Variants in RILP observed in about 807,000 individuals in gnomAD.
RILP encodes rab-interacting lysosomal protein.
A neutral mutation model predicts 40.0 loss-of-function variants in RILP; 53 were observed. The ratio of observed to expected loss-of-function variants is 1.32; its 90% CI spans 1.06 to 1.66. The LOEUF (loss-of-function observed/expected upper bound fraction) is 1.66. Among genes scored for constraint, RILP ranks in the 40% most tolerant of loss-of-function variants. The pLI is 0.00. For synonymous variants in RILP, 272 were observed against 250.6 expected (o/e 1.09, Z -0.80); for missense variants, 626 against 551.7 (o/e 1.13, Z -1.35).
At position 1,648,859 on chromosome 17, in the gene RILP, G is replaced by T. The variant is rs776516990; in HGVS notation, c.615C>A (p.His205Gln). ...RGQAGRPGHQ[H>Q]GQEPEWATAG... is the part of the protein sequence containing the mutation. ...CGGTCGCCCATTCGGGCTCCTGTCC[G>T]TGCTGGTGCCCGGGCCGCCCGGCCT... The change falls in exon 4 of 8, where the codon CAC becomes CAA. Residue 205 changes from histidine to glutamine, a missense_variant. By Grantham distance (24) the His-to-Gln change is conservative (BLOSUM62 0). Transcript: ENST00000301336. This position sits in a 1 kb window ranked among gnomAD's most constrained non-coding sequence, Gnocchi z 4.9. 6 of 1,544,268 alleles carry T rather than the reference G, an allele frequency of 3.9e-6. 1 individual carries two copies. The South Asian group carries it at 7.1e-5, about 18-fold the overall frequency.
In RILP at chr17:1,649,001, A is replaced by G; in HGVS notation, c.473T>C (p.Leu158Pro). 7.9e-7 allele frequency: 1 copy of G among 1,272,298 alleles called. No homozygotes were observed. 78.8% of individuals were successfully genotyped at this position (1,272,298 alleles called of 1,614,324 possible). A position where few individuals can be genotyped will look rare whatever the true frequency, so the allele number is the denominator to read the frequency against. ...LQRLLLVNAE[L>P]RHKLAAMQTQ... ...CTGCATGGCCGCCAGCTTGTGCCGC[A>G]GCTCAGCGTTCACCAGCAGGAGGCG... is the stretch of plus-strand genomic sequence containing the variant. Residue 158 changes from leucine (L) to proline (P), a missense_variant, in exon 4 of 8, where the codon CTG becomes CCG. Coordinates refer to ENST00000301336, the MANE Select transcript of RILP (RefSeq NM_031430.3). The surrounding 1 kb of genome is among the most constrained non-coding windows in gnomAD (Gnocchi z 4.3).
Position 1,649,384 on chromosome 17 carries a change from G to C in RILP, c.322+28C>G. 1 of 1,498,108 alleles carries C rather than the reference G, an allele frequency of 6.7e-7. No homozygotes were observed. Among genetic ancestry groups the C allele is most frequent in the Non-Finnish European group, 8.8e-7 (1 of 1,130,510 alleles). 92.8% of individuals were successfully genotyped at this position (1,498,108 alleles called of 1,614,324 possible). A position where few individuals can be genotyped will look rare whatever the true frequency, so the allele number is the denominator to read the frequency against. ...GGAGGACCCGAGCAGGTCGTCACCC[G>C]CCCTGCCCTGGCCGGGGCTGCGCTT... On this transcript the variant is annotated intron_variant, in intron 2 of 7. Transcript: ENST00000301336. This position sits in a 1 kb window ranked among gnomAD's most constrained non-coding sequence, Gnocchi z 4.3.
Position 1,646,795 on chromosome 17 carries a change from C to A in RILP, c.1028+111G>T. ...CAGGAGGGGACGGTGTGCTTAGAGC[C>A]AAGCACAGCAGGGTGACGGGCAGAG... On this transcript the variant is annotated intron_variant, in intron 7 of 7. Coordinates refer to ENST00000301336, the MANE Select transcript of RILP (RefSeq NM_031430.3). The surrounding 1 kb of genome is among the most constrained non-coding windows in gnomAD (Gnocchi z 4.3). 9.4e-7 allele frequency: 1 copy of A among 1,069,288 alleles called. No individual in the cohort carries two copies. The highest frequency in any genetic ancestry group is 1.4e-6 in the Non-Finnish European group (1 of 739,542). 66.2% of individuals were successfully genotyped at this position (1,069,288 alleles called of 1,614,324 possible). A position where few individuals can be genotyped will look rare whatever the true frequency, so the allele number is the denominator to read the frequency against.
chr17:1,649,474 TCCTGCTCCG>T lies in RILP; in HGVS notation c.251_259del (p.Ala84_Gln86del). On this transcript the variant is annotated inframe_deletion, in exon 2 of 8. Coordinates refer to ENST00000301336, the MANE Select transcript of RILP (RefSeq NM_031430.3). This position sits in a 1 kb window ranked among gnomAD's most constrained non-coding sequence, Gnocchi z 4.3. ...GTTCTCCTCCCGCAGCCGCCGCAGC[TCCTGCTCCG>T]CCGGCTGCGCCGACACCTGCAGCTG... 6.6e-7 allele frequency: 1 copy of T among 1,512,586 alleles called. No individual in the cohort carries two copies. The allele number at this position is 1,512,586 out of a possible 1,614,324, so 93.7% of individuals were successfully genotyped here. A position where few individuals can be genotyped will look rare whatever the true frequency, so the allele number is the denominator to read the frequency against.
Position 1,648,495 on chromosome 17 carries a change from C to T in RILP, c.676G>A (p.Ala226Thr), listed in dbSNP as rs764161087. 3 of 1,612,808 alleles carry T rather than the reference C, an allele frequency of 1.9e-6. No homozygotes were observed. In the South Asian group the frequency reaches 3.3e-5, roughly 18 times the overall value. Residue 226 changes from alanine (A) to threonine (T), a missense_variant and splice_region_variant, in exon 5 of 8, where the codon GCG (alanine) becomes ACG (threonine). Coordinates refer to ENST00000301336, the MANE Select transcript of RILP (RefSeq NM_031430.3). This position sits in a 1 kb window ranked among gnomAD's most constrained non-coding sequence, Gnocchi z 4.9. The part of the protein sequence containing the change: ...AGAPGNPEDP[A>T]EAAQQLGRPS... Reference sequence around the variant, plus strand: ...CGCCCGAGCTGCTGCGCGGCCTCCGCCTTTGGAAGGACAGGCACAGTCAGA... The same window carrying T: ...CGCCCGAGCTGCTGCGCGGCCTCCGTCTTTGGAAGGACAGGCACAGTCAGA...
Position 1,646,756 on chromosome 17 carries a change from C to A in RILP, c.1029-137G>T. On this transcript the variant is annotated intron_variant, in intron 7 of 7. Coordinates refer to ENST00000301336, the MANE Select transcript of RILP (RefSeq NM_031430.3). The surrounding 1 kb of genome is among the most constrained non-coding windows in gnomAD (Gnocchi z 4.3). ...GAGGGAGTGTGAAGGTGATGGGGGC[C>A]AGGGCCAGAGAAGCAGGAGGGGACG... 9.2e-7 allele frequency: 1 copy of A among 1,087,556 alleles called. No homozygotes were observed. Among genetic ancestry groups the A allele is most frequent in the South Asian group, 1.6e-5 (1 of 64,190 alleles). The allele number at this position is 1,087,556 out of a possible 1,614,324, so 67.4% of individuals were successfully genotyped here.
chr17:1,648,448 G>C lies in RILP; in HGVS notation c.723C>G (p.Cys241Trp). 2.5e-6 allele frequency: 4 copies of C among 1,614,026 alleles called. No homozygotes were observed. Among genetic ancestry groups the C allele is most frequent in the Non-Finnish European group, 3.4e-6 (4 of 1,180,022 alleles). ...GCTCAAACTCCTCCCGACTGAAGCG[G>C]CACTGCCCTGCCTCCGAGGGGCGCC... is the stretch of plus-strand genomic sequence containing the variant. ...QLGRPSEAGQCRFSREEFEQI... is the reference protein window; with the variant it reads ...QLGRPSEAGQWRFSREEFEQI... Residue 241 changes from cysteine (C) to tryptophan (W), a missense_variant, in exon 5 of 8, where the codon TGC (cysteine) becomes TGG (tryptophan). By Grantham distance (215) the Cys-to-Trp change is radical (BLOSUM62 -2). Transcript: ENST00000301336. This position sits in a 1 kb window ranked among gnomAD's most constrained non-coding sequence, Gnocchi z 4.9.
At position 1,648,279 on chromosome 17, in the gene RILP, C is replaced by G. The variant is rs1345628898; in HGVS notation, c.821+71G>C. 1.3e-6 allele frequency: 2 copies of G among 1,542,174 alleles called. No homozygotes were observed. Among genetic ancestry groups the G allele is most frequent in the Non-Finnish European group, 1.8e-6 (2 of 1,133,644 alleles). ...CCCAGCGCAGGCCTGGCACATGTCA[C>G]TGTGGACATGTCAATGACTGGAGAA... On this transcript the variant is annotated intron_variant, in intron 5 of 7. Transcript: ENST00000301336. The surrounding 1 kb of genome is among the most constrained non-coding windows in gnomAD (Gnocchi z 4.9).
At position 1,647,960 on chromosome 17, in the gene RILP, A is replaced by G. The variant is rs1424397460; in HGVS notation, c.822-3T>C. The G allele has an allele frequency of 6.8e-6, 11 of 1,613,786 alleles. No individual in the cohort carries two copies. Among genetic ancestry groups the G allele is most frequent in the Non-Finnish European group, 8.5e-6 (10 of 1,179,928 alleles). On this transcript the variant is annotated splice_polypyrimidine_tract_variant and splice_region_variant and intron_variant, in intron 5 of 7. Transcript: ENST00000301336. The stretch of plus-strand genomic sequence containing the variant: ...CCCGGTGGTCTGTGAGCAGCTCCCT[A>G]AAGAAAAGGGGCAGGGAGGGAGAAA...
chr17:1,648,572 G>T lies in RILP; in HGVS notation c.676-77C>A. The T allele has an allele frequency of 6.4e-7, 1 of 1,563,690 alleles. No homozygotes were observed. Among genetic ancestry groups the T allele is most frequent in the Non-Finnish European group, 8.6e-7 (1 of 1,159,074 alleles). On this transcript the variant is annotated intron_variant, in intron 4 of 7. Transcript: ENST00000301336. This position sits in a 1 kb window ranked among gnomAD's most constrained non-coding sequence, Gnocchi z 4.9. ...CCCCAGGGCCATCATGGGAATGCTA[G>T]AGGAAGTGACGGGCCGGGAGACTTG...
chr17:1,648,583 G>C lies in RILP; in HGVS notation c.676-88C>G. 1 of 1,534,622 alleles carries C rather than the reference G, an allele frequency of 6.5e-7. No individual in the cohort carries two copies. The highest frequency in any genetic ancestry group is 8.7e-7 in the Non-Finnish European group (1 of 1,144,298). ...TCATGGGAATGCTAGAGGAAGTGACGGGCCGGGAGACTTGGGGGACAAGGG... is the reference window on the plus strand; with the variant it reads ...TCATGGGAATGCTAGAGGAAGTGACCGGCCGGGAGACTTGGGGGACAAGGG... On this transcript the variant is annotated intron_variant, in intron 4 of 7. Transcript: ENST00000301336. The surrounding 1 kb of genome is among the most constrained non-coding windows in gnomAD (Gnocchi z 4.9).
chr17:1,647,749 C>A, intron 6 of RILP, 86 bp downstream of exon 6: 6 of 1,560,306 alleles, frequency 3.8e-6, no homozygotes, highest in Non-Finnish European at 4.4e-6. Context: ...AGACAATGGG[C>A]TCAGAGGGTG....
In RILP at chr17:1,649,695, G is replaced by C; in HGVS notation, c.110C>G (p.Thr37Ser). The C allele has an allele frequency of 6.3e-7, 1 of 1,591,922 alleles. No homozygotes were observed. The highest frequency in any genetic ancestry group is 8.5e-7 in the Non-Finnish European group (1 of 1,176,654). ...LVYHLAGALG[T>S]ELQDLARRFG... ...ACGGCGCGCCAGATCCTGCAGCTCA[G>C]TGCCCAGGGCCCCGGCTAGATGGTA... Residue 37 changes from threonine (T) to serine (S), a missense_variant, in exon 1 of 8, where the codon ACT (threonine) becomes AGT (serine). Physicochemically the swap from Thr to Ser is moderately conservative, Grantham distance 58 (BLOSUM62 1). Transcript: ENST00000301336. The surrounding 1 kb of genome is among the most constrained non-coding windows in gnomAD (Gnocchi z 4.3).
chr17:1,648,097 T>G lies in RILP; in HGVS notation c.822-140A>C, dbSNP rs1326339521. On this transcript the variant is annotated intron_variant, in intron 5 of 7. Coordinates refer to ENST00000301336, the MANE Select transcript of RILP (RefSeq NM_031430.3). This position sits in a 1 kb window ranked among gnomAD's most constrained non-coding sequence, Gnocchi z 4.9. Reference sequence around the variant, plus strand: ...CCTGAACACGGGAAGCGCTCTGCCTTGCTGACACCCTCAGACCTTAAATTA... The same window carrying G: ...CCTGAACACGGGAAGCGCTCTGCCTGGCTGACACCCTCAGACCTTAAATTA... The G allele has an allele frequency of 1.6e-6, 2 of 1,272,730 alleles. No individual in the cohort carries two copies. Among genetic ancestry groups the G allele is most frequent in the Non-Finnish European group, 2.2e-6 (2 of 922,380 alleles). The allele number at this position is 1,272,730 out of a possible 1,614,324, so 78.8% of individuals were successfully genotyped here.
At position 1,648,461 on chromosome 17, in the gene RILP, T is replaced by A; in HGVS notation, c.710A>T (p.Glu237Val). 6.2e-7 allele frequency: 1 copy of A among 1,613,838 alleles called. No homozygotes were observed. Among genetic ancestry groups the A allele is most frequent in the Non-Finnish European group, 8.5e-7 (1 of 1,180,010 alleles). Reference protein sequence around the residue: ...EAAQQLGRPSEAGQCRFSREE... With the variant: ...EAAQQLGRPSVAGQCRFSREE... Reference sequence around the variant, plus strand: ...CCGACTGAAGCGGCACTGCCCTGCCTCCGAGGGGCGCCCGAGCTGCTGCGC... The same window carrying A: ...CCGACTGAAGCGGCACTGCCCTGCCACCGAGGGGCGCCCGAGCTGCTGCGC... Residue 237 changes from glutamate (E) to valine (V), a missense_variant, in exon 5 of 8, where the codon GAG becomes GTG. Physicochemically the swap from Glu to Val is moderately radical, Grantham distance 121. Transcript: ENST00000301336. The surrounding 1 kb of genome is among the most constrained non-coding windows in gnomAD (Gnocchi z 4.9).
chr17:1,649,249 A>C lies in RILP; in HGVS notation c.380T>G (p.Leu127Arg), dbSNP rs761216005. The C allele has an allele frequency of 1.4e-6, 2 of 1,423,504 alleles. No individual in the cohort carries two copies. The highest frequency in any genetic ancestry group is 1.8e-6 in the Non-Finnish European group (2 of 1,085,360). The allele number at this position is 1,423,504 out of a possible 1,614,324, so 88.2% of individuals were successfully genotyped here. Residue 127 changes from leucine to arginine, a missense_variant, in exon 3 of 8, where the codon CTC (leucine) becomes CGC (arginine). By Grantham distance (102) the Leu-to-Arg change is moderately radical. Transcript: ENST00000301336. This position sits in a 1 kb window ranked among gnomAD's most constrained non-coding sequence, Gnocchi z 4.3. ...CCGCAGGTCGCGGTTGTGCGCCCGGAGTTCGTCCCGCTGTCGGTCCGTGAC... is the reference window on the plus strand; with the variant it reads ...CCGCAGGTCGCGGTTGTGCGCCCGGCGTTCGTCCCGCTGTCGGTCCGTGAC... ...KEVTDRQRDE[L>R]RAHNRDLRQR... is the part of the protein sequence containing the mutation.
Position 1,649,483 on chromosome 17 carries a change from G to A in RILP, c.251C>T (p.Ala84Val), listed in dbSNP as rs1189935319. 2.0e-6 allele frequency: 3 copies of A among 1,508,694 alleles called. No homozygotes were observed. In the South Asian group the frequency reaches 3.7e-5, roughly 19 times the overall value. The allele number at this position is 1,508,694 out of a possible 1,614,324, so 93.5% of individuals were successfully genotyped here. The change falls in exon 2 of 8, where the codon GCG becomes GTG. Residue 84 changes from alanine to valine, a missense_variant. Transcript: ENST00000301336. This position sits in a 1 kb window ranked among gnomAD's most constrained non-coding sequence, Gnocchi z 4.3. ...CCGCAGCCGCCGCAGCTCCTGCTCC[G>A]CCGGCTGCGCCGACACCTGCAGCTG... ...PDSLQVSAQPAEQELRRLREE... is the reference protein window; with the variant it reads ...PDSLQVSAQPVEQELRRLREE...
At position 1,648,026 on chromosome 17, in the gene RILP, TG is replaced by T. The variant is rs537594094; in HGVS notation, c.822-70del. On this transcript the variant is annotated intron_variant, in intron 5 of 7. Transcript: ENST00000301336. This position sits in a 1 kb window ranked among gnomAD's most constrained non-coding sequence, Gnocchi z 4.9. ...GCCATGGGGATGCCAGCAGTGGAGATGCCAGCCGCAGTCCTCACTCCTGGTA... is the reference window on the plus strand; with the variant it reads ...GCCATGGGGATGCCAGCAGTGGAGATCCAGCCGCAGTCCTCACTCCTGGTA... 1.8e-4 allele frequency: 293 copies of T among 1,589,992 alleles called. No homozygotes were observed. The African/African-American group carries it at 3.6e-3, about 20-fold the overall frequency.
At position 1,647,934 on chromosome 17, in the gene RILP, AC is replaced by A. The variant is rs1305927878; in HGVS notation, c.844del (p.Val282SerfsTer9). 2 of 1,614,000 alleles carry A rather than the reference AC, an allele frequency of 1.2e-6. No individual in the cohort carries two copies. The highest frequency in any genetic ancestry group is 1.7e-6 in the Non-Finnish European group (2 of 1,180,002). On this transcript the variant is annotated frameshift_variant, in exon 6 of 8. Coordinates refer to ENST00000301336, the MANE Select transcript of RILP (RefSeq NM_031430.3). LOFTEE classifies it high-confidence loss of function. ...FQRELLTDHRVPGLLLEAMKV... is the reference protein window; with the variant it reads ...FQRELLTDHRXPGLLLEAMKV... ...CATGGCCTCGAGCAGAAGGCCGGGGACCCGGTGGTCTGTGAGCAGCTCCCTA... is the reference window on the plus strand; with the variant it reads ...CATGGCCTCGAGCAGAAGGCCGGGGACCGGTGGTCTGTGAGCAGCTCCCTA...
Sources: allele counts gnomAD v4.1 joint callset, GRCh38; gene constraint gnomAD v4.1.1; non-coding constraint Gnocchi (gnomAD v3.1); transcripts MANE v1.5; gene names NCBI Gene and HGNC (gene_info 2026-07-23, HGNC 2026-07-21).